The following CCDC7 variants were observed in gnomAD, a reference collection of about 807,000 sequenced individuals.
The protein encoded by CCDC7 is coiled-coil domain-containing protein 7.
CCDC7 carries 183 observed loss-of-function variants against 196.9 expected under a neutral mutation model. The ratio of observed to expected loss-of-function variants is 0.93; its 90% CI spans 0.82 to 1.05. The LOEUF is 1.05. Ranked by LOEUF, CCDC7 falls within the 50% of genes least tolerant of loss-of-function variation. CCDC7 has a pLI of 0.00. For missense variants in CCDC7, 1,540 were observed against 1,482.2 expected (o/e 1.04, Z -0.64); for synonymous variants, 525 against 484.6 (o/e 1.08, Z -1.10).
At chr10:32,594,389 A>G (rs1449723920) in intron 18 of CCDC7, among the ~76,000 whole-genome samples, 1 of 152,160 alleles carries the variant, frequency 6.6e-6, no homozygotes, top group Non-Finnish European at 1.5e-5. Context: ...TGATTTTTGC[A>G]CATTGATTTT....
intron 28 of CCDC7, among the ~76,000 whole-genome samples, chr10:32,750,300 A>G (rs927530669): frequency 3.9e-5 from 6 of 152,186 alleles, no homozygotes; most frequent in Non-Finnish European, 8.8e-5. Context: ...TGGAAAAGAG[A>G]TAGCACAAAT....
chr10:32,881,581 C>T (rs1309822696), downstream of CCDC7, among the ~76,000 whole-genome samples: 1 of 152,130 alleles, frequency 6.6e-6, no homozygotes, highest in African/African-American at 2.4e-5. Context: ...AGACTGAAGT[C>T]TCTGAATTCA....
chr10:32,636,374 C>T (rs74437766), intron 20 of CCDC7, among the ~76,000 whole-genome samples: 16 of 152,080 alleles, frequency 1.1e-4, no homozygotes, highest in Middle Eastern at 3.2e-3. Context: ...TGCTATCCCT[C>T]CCCCTACCCC....
chr10:32,574,871 T>C (rs899311521), intron 16 of CCDC7, among the ~76,000 whole-genome samples: 3 of 152,174 alleles, frequency 2.0e-5, no homozygotes, highest in Admixed American at 6.5e-5. Context: ...CCATTTTTTT[T>C]CTCCATAGAT....
chr10:32,483,702 C>CT (rs2134200832), intron 8 of CCDC7, among the ~76,000 whole-genome samples: 1 of 152,268 alleles, frequency 6.6e-6, no homozygotes, highest in African/African-American at 2.4e-5. Flanking sequence ...CCAGTTTCAG[C>CT]TTTCTACATA....
At position 32,571,969 on chromosome 10, in the gene CCDC7, C is replaced by T. The variant is rs772831664; in HGVS notation, c.1454+76C>T. On this transcript the variant is annotated intron_variant, in intron 16 of 41. Transcript: ENST00000639629. ...TCACATACCTAAGCAATGAAAATAA[C>T]CATTCTAAATTTAATGTCACAAAAC... 55 of 1,327,908 alleles carry T rather than the reference C, an allele frequency of 4.1e-5. 1 individual carries two copies. In the Middle Eastern group the frequency reaches 2.1e-3, roughly 52 times the overall value. 82.3% of individuals were successfully genotyped at this position (1,327,908 alleles called of 1,614,324 possible).
intron 8 of CCDC7, among the ~76,000 whole-genome samples, chr10:32,474,805 CTT>C (rs1391595148): frequency 1.3e-5 from 2 of 152,136 alleles, no homozygotes; most frequent in Non-Finnish European, 2.9e-5. Flanking sequence ...TTACTTGTGT[CTT>C]AGGGCTGGAG....
chr10:32,846,986 G>A (rs992348244), intron 37 of CCDC7, among the ~76,000 whole-genome samples: 1 of 152,160 alleles, frequency 6.6e-6, no homozygotes, highest in African/African-American at 2.4e-5. Context: ...AGGGTGTTAT[G>A]TAGTTATACA....
chr10:32,869,265 CTGGTGTGAGA>C (rs1397174261), intron 41 of CCDC7, among the ~76,000 whole-genome samples: 2 of 152,178 alleles, frequency 1.3e-5, no homozygotes, highest in Non-Finnish European at 2.9e-5. Flanking sequence ...GCCATTCTAA[CTGGTGTGAGA>C]TGGTATCTCA....
In CCDC7 at chr10:32,627,631, A is replaced by T. The variant is rs1590794200; in HGVS notation, c.1802-6623A>T. ...TTTCAATTTTTAACTATTGATTATA[A>T]TGTTACCTGAAGGCTTGTCATATAT... On this transcript the variant is annotated intron_variant, in intron 18 of 41. Coordinates refer to ENST00000639629, the Ensembl canonical transcript of CCDC7. Among the ~76,000 whole-genome samples, 2 of 151,832 alleles carry T rather than the reference A, an allele frequency of 1.3e-5. 1 individual carries two copies. The highest frequency in any genetic ancestry group is 4.2e-4 in the South Asian group (2 of 4,818).
At chr10:32,631,309 C>A (rs894050856) in intron 18 of CCDC7, among the ~76,000 whole-genome samples, 1 of 152,104 alleles carries the variant, frequency 6.6e-6, no homozygotes, top group Non-Finnish European at 1.5e-5. Flanking sequence ...TTTAGGTCTG[C>A]AGTCCACTTT....
At chr10:32,613,154 G>T (rs1013489793) in intron 18 of CCDC7, among the ~76,000 whole-genome samples, 2 of 152,002 alleles carry the variant, frequency 1.3e-5, no homozygotes, top group Non-Finnish European at 2.9e-5. Flanking sequence ...TCTTGGGTGG[G>T]TGTATGTGTC....
At chr10:32,615,544 T>G (rs574862757) in intron 18 of CCDC7, among the ~76,000 whole-genome samples, 1 of 152,252 alleles carries the variant, frequency 6.6e-6, no homozygotes, top group East Asian at 1.9e-4. Flanking sequence ...TGTTAAGCTG[T>G]TTGAGTTCTT....
rs138721320 is a variant in CCDC7 at position 32,673,054 on chromosome 10, G to C, written c.2122+8893G>C. On this transcript the variant is annotated intron_variant, in intron 21 of 41. Transcript: ENST00000639629. ...TCCCCAATGCTATTGAGGAGACTAT[G>C]CTTTCCCTTTTGTGTATTCTTACCA... Among the ~76,000 whole-genome samples, 84 of 152,236 alleles carry C rather than the reference G, an allele frequency of 5.5e-4. No homozygotes were observed. In the Middle Eastern group the frequency reaches 0.014, roughly 25 times the overall value.
chr10:32,760,907 C>T (rs1480368387), intron 28 of CCDC7, among the ~76,000 whole-genome samples: 1 of 151,966 alleles, frequency 6.6e-6, no homozygotes, highest in East Asian at 1.9e-4. Flanking sequence ...CACCTTAATT[C>T]TGACTTCCTC....
chr10:32,734,032 G>T lies in CCDC7; in HGVS notation c.2905+4575G>T, dbSNP rs146464152. On this transcript the variant is annotated intron_variant, in intron 28 of 41. Coordinates refer to ENST00000639629, the Ensembl canonical transcript of CCDC7. ...GAAAACAGTATGGTGATTCTTCAGAGAGCTAAAAGCAGAACTACCATTCAA... is the reference window on the plus strand; with the variant it reads ...GAAAACAGTATGGTGATTCTTCAGATAGCTAAAAGCAGAACTACCATTCAA... Among the ~76,000 whole-genome samples the T allele has an allele frequency of 6.0e-3, 910 of 152,222 alleles. 9 individuals are homozygous for T. Among genetic ancestry groups the T allele is most frequent in the African/African-American group, 0.021 (867 of 41,524 alleles).
At chr10:32,816,866 T>G (rs1274599999) in intron 31 of CCDC7, among the ~76,000 whole-genome samples, 1 of 151,792 alleles carries the variant, frequency 6.6e-6, no homozygotes, top group Non-Finnish European at 1.5e-5. Flanking sequence ...CAAAGGTAGA[T>G]AAAACCACAA....
At chr10:32,635,253 ATTATT>A in intron 20 of CCDC7, 95 bp downstream of exon 21, 1 of 388,344 alleles carries the variant, frequency 2.6e-6, no homozygotes, top group Non-Finnish European at 4.5e-6. Context: ...TTTTTTTGTA[ATTATT>A]TTGTGTATAC....
rs1455740978 is a variant in CCDC7 at position 32,453,292 on chromosome 10, ATTAATT to A, written c.280-47_280-42del. On this transcript the variant is annotated intron_variant, in intron 1 of 41. Coordinates refer to ENST00000639629, the Ensembl canonical transcript of CCDC7. ...TTAAATATTATTTACATTTAATATA[ATTAATT>A]TTAAACTATTAAAGTATCTAATTGG... is the stretch of plus-strand genomic sequence containing the variant. The A allele has an allele frequency of 1.2e-5, 15 of 1,213,062 alleles. No homozygotes were observed. The East Asian group carries it at 4.3e-4, about 35-fold the overall frequency. 75.1% of individuals were successfully genotyped at this position (1,213,062 alleles called of 1,614,324 possible). A position where few individuals can be genotyped will look rare whatever the true frequency, so the allele number is the denominator to read the frequency against.
Sources: allele counts gnomAD v4.1 joint callset (sites outside exome capture counted in the v4.1 genomes callset), GRCh38; gene constraint gnomAD v4.1.1; transcripts MANE v1.5; gene names NCBI Gene and HGNC (gene_info 2026-07-23, HGNC 2026-07-21).